Variants in RORA observed in about 807,000 individuals in gnomAD.
RORA encodes RAR related orphan receptor A, also known as nuclear receptor ROR-alpha.
RORA carries 7 observed loss-of-function variants against 69.5 expected under a neutral mutation model. The observed-to-expected ratio is 0.10, with a 90% CI of 0.06 to 0.19. The LOEUF (loss-of-function observed/expected upper bound fraction) is 0.19, where lower values mean the gene tolerates loss of function less well. RORA is among the 10% of genes least tolerant of loss of function. RORA has a pLI of 1.00. For missense variants in RORA, 457 were observed against 663.0 expected, an observed-to-expected ratio of 0.69 and a Z score of 3.41; for synonymous variants, 261 against 240.8, an observed-to-expected ratio of 1.08 and a Z score of -0.78.
At chr15:61,017,548 G>A (rs1332674603) in intron 1 of RORA, among the ~76,000 whole-genome samples, 1 of 151,978 alleles carries the variant, frequency 6.6e-6, no homozygotes, top group Admixed American at 6.6e-5. Flanking sequence ...TTAAATCACA[G>A]TTCTTTTTCT....
intron 1 of RORA, among the ~76,000 whole-genome samples, chr15:60,742,749 C>T (rs942603792): frequency 6.6e-6 from 1 of 152,128 alleles, no homozygotes; most frequent in African/African-American, 2.4e-5. Flanking sequence ...CTGTGCCTAG[C>T]TCATTATTTC....
intron 1 of RORA, among the ~76,000 whole-genome samples, chr15:61,219,662 G>C (rs1038709469): frequency 2.6e-5 from 4 of 152,094 alleles, no homozygotes; most frequent in Non-Finnish European, 5.9e-5. Context: ...AGGTAAGAAA[G>C]TACAAGACTT....
intron 1 of RORA, among the ~76,000 whole-genome samples, chr15:61,110,651 G>C (rs1245087397): frequency 6.6e-6 from 1 of 152,086 alleles, no homozygotes; most frequent in Non-Finnish European, 1.5e-5. Flanking sequence ...ACCTGCCAGG[G>C]GGACAAGATG....
intron 6 of RORA, among the ~76,000 whole-genome samples, chr15:60,505,301 T>A (rs1349397683): frequency 1.3e-5 from 2 of 152,220 alleles, no homozygotes; most frequent in Non-Finnish European, 2.9e-5. Context: ...GAAAGCACAA[T>A]AGAAATTATT....
chr15:60,539,774 C>G (rs866301107), intron 2 of RORA, among the ~76,000 whole-genome samples: 1 of 151,606 alleles, frequency 6.6e-6, no homozygotes, highest in African/African-American at 2.4e-5. Context: ...AACAACAGAA[C>G]GTATTTGTTG....
chr15:60,678,557 G>A lies in RORA; in HGVS notation c.196+100C>T, dbSNP rs1405060730. The A allele has an allele frequency of 3.3e-6, 3 of 917,814 alleles. No homozygotes were observed. In the African/African-American group the frequency reaches 4.9e-5, roughly 15 times the overall value. The allele number at this position is 917,814 out of a possible 1,614,324, so 56.9% of individuals were successfully genotyped here. A position where few individuals can be genotyped will look rare whatever the true frequency, so the allele number is the denominator to read the frequency against. On this transcript the variant is annotated intron_variant, in intron 2 of 10. Transcript: ENST00000335670. ...TGACCTCTGTTGACCATGGATCACAGCTGAAACATTAGTATATACTTGAAG... is the reference window on the plus strand; with the variant it reads ...TGACCTCTGTTGACCATGGATCACAACTGAAACATTAGTATATACTTGAAG...
intron 1 of RORA, among the ~76,000 whole-genome samples, chr15:61,115,535 T>G (rs929975895): frequency 6.6e-6 from 1 of 152,184 alleles, no homozygotes; most frequent in African/African-American, 2.4e-5. Context: ...GAAGTGAGGT[T>G]TCTCTTTATT....
chr15:60,622,539 G>A (rs1280196582), intron 2 of RORA, among the ~76,000 whole-genome samples: 1 of 151,996 alleles, frequency 6.6e-6, no homozygotes, highest in East Asian at 1.9e-4. Context: ...CTGAGCCTGG[G>A]AGGTGGAGGT....
At chr15:60,595,779 A>AT in intron 2 of RORA, among the ~76,000 whole-genome samples, 1 of 152,110 alleles carries the variant, frequency 6.6e-6, no homozygotes, top group Non-Finnish European at 1.5e-5. Context: ...TTATATATTA[A>AT]TTTGCAGCTC....
intron 1 of RORA, among the ~76,000 whole-genome samples, chr15:61,087,506 T>C (rs1179604210): frequency 1.3e-5 from 2 of 152,208 alleles, no homozygotes; most frequent in South Asian, 4.1e-4. Flanking sequence ...ATTTAAGTAC[T>C]GAAAATTTAT....
chr15:61,051,550 T>G (rs528253711), intron 1 of RORA, among the ~76,000 whole-genome samples: 3 of 152,160 alleles, frequency 2.0e-5, no homozygotes, highest in Non-Finnish European at 4.4e-5. Context: ...TATTGGCACC[T>G]TCTGGACAGG....
chr15:60,887,514 G>C (rs975228781), intron 1 of RORA, among the ~76,000 whole-genome samples: 2 of 152,184 alleles, frequency 1.3e-5, no homozygotes, highest in Non-Finnish European at 2.9e-5. Flanking sequence ...CAGGAAAAAA[G>C]AGAAAGAAAT....
At chr15:60,658,402 G>C (rs2070255183) in intron 2 of RORA, among the ~76,000 whole-genome samples, 1 of 152,108 alleles carries the variant, frequency 6.6e-6, no homozygotes, top group Admixed American at 6.5e-5. Context: ...AGGAGGTCAG[G>C]GAGATCAAGG....
At chr15:60,841,734 C>T (rs1802232527) in intron 1 of RORA, among the ~76,000 whole-genome samples, 1 of 152,222 alleles carries the variant, frequency 6.6e-6, no homozygotes, top group Admixed American at 6.5e-5. Context: ...CTCGTTCTCT[C>T]CTCCCCGTCA....
At position 60,979,444 on chromosome 15, in the gene RORA, G is replaced by T. The variant is rs150526299; in HGVS notation, c.166+249609C>A. Among the ~76,000 whole-genome samples the T allele has an allele frequency of 3.0e-3, 454 of 152,062 alleles. 2 individuals carry two copies. The highest frequency in any genetic ancestry group is 0.014 in the Middle Eastern group (4 of 294). On this transcript the variant is annotated intron_variant, in intron 1 of 10. Coordinates refer to ENST00000335670, the MANE Select transcript of RORA (RefSeq NM_134261.3). Reference sequence around the variant, plus strand: ...CATTGAATCTGTATATCAATCAGGGGAGTATTCTATTTTAATAATATTAAG... The same window carrying T: ...CATTGAATCTGTATATCAATCAGGGTAGTATTCTATTTTAATAATATTAAG...
At chr15:60,993,572 G>T (rs1453251841) in intron 1 of RORA, among the ~76,000 whole-genome samples, 1 of 150,244 alleles carries the variant, frequency 6.7e-6, no homozygotes, top group Non-Finnish European at 1.5e-5. Flanking sequence ...GAACCCAGGG[G>T]GCGGAGGTTG....
At chr15:60,671,114 C>G (rs2070461752) in intron 2 of RORA, among the ~76,000 whole-genome samples, 1 of 124,606 alleles carries the variant, frequency 8.0e-6, no homozygotes, top group South Asian at 2.4e-4. Context: ...CCTGAGCGTT[C>G]TGTTAGCTTC....
chr15:60,960,423 C>T (rs1893383889), intron 1 of RORA, among the ~76,000 whole-genome samples: 1 of 152,110 alleles, frequency 6.6e-6, no homozygotes, highest in Admixed American at 6.5e-5. Context: ...TTGAGATAGA[C>T]ACAGATTTAG....
chr15:60,880,044 G>A (rs2073661519), intron 1 of RORA, among the ~76,000 whole-genome samples: 1 of 152,162 alleles, frequency 6.6e-6, no homozygotes. Flanking sequence ...ATGGGTCCTA[G>A]AATATGGCCT....
Sources: allele counts gnomAD v4.1 joint callset (sites outside exome capture counted in the v4.1 genomes callset), GRCh38; gene constraint gnomAD v4.1.1; transcripts MANE v1.5; gene names NCBI Gene and HGNC (gene_info 2026-07-23, HGNC 2026-07-21).